SLC5A9: variants seen among roughly 807,000 people sequenced by gnomAD.
SLC5A9 encodes the protein sodium/glucose cotransporter 4.
SLC5A9 carries 59 observed loss-of-function variants against 70.9 expected under a neutral mutation model. The observed-to-expected ratio is 0.83, with a 90% CI of 0.68 to 1.03. The LOEUF (loss-of-function observed/expected upper bound fraction) is 1.03, where lower values mean the gene tolerates loss of function less well. Ranked by LOEUF, SLC5A9 falls within the 50% of genes least tolerant of loss-of-function variation. The pLI, the probability that SLC5A9 is intolerant of heterozygous loss-of-function variation, is 0.00. For missense variants in SLC5A9, 832 were observed against 881.1 expected, an observed-to-expected ratio of 0.94 and a Z score of 0.71; for synonymous variants, 340 against 346.5, an observed-to-expected ratio of 0.98 and a Z score of 0.21.
intron 6 of SLC5A9, 70 bp downstream of exon 6, chr1:48,231,695 C>T (rs970323469): frequency 1.6e-5 from 25 of 1,578,392 alleles, no homozygotes; most frequent in Non-Finnish European, 2.2e-5. Context: ...CTGCCACCTC[C>T]ACAGTTCGAT....
intron 10 of SLC5A9, 126 bp from the exon 11 acceptor site, chr1:48,237,553 C>T (rs1169387676): frequency 2.3e-6 from 2 of 880,664 alleles, no homozygotes; most frequent in East Asian, 5.3e-5. Context: ...GGCTGCCAAC[C>T]TTCTCTGATC....
chr1:48,223,604 G>T (rs1462424933), intron 1 of SLC5A9, among the ~76,000 whole-genome samples: 1 of 152,148 alleles, frequency 6.6e-6, no homozygotes, highest in Non-Finnish European at 1.5e-5. Context: ...GCAATAAATG[G>T]CTGCTATTAT....
chr1:48,238,652 G>A (rs1027621073), intron 11 of SLC5A9: 2 of 152,424 alleles, frequency 1.3e-5, no homozygotes, highest in Non-Finnish European at 2.9e-5. Context: ...AGTGTCTACT[G>A]TCTGCACAGG....
chr1:48,229,986 C>G (rs11205458), intron 4 of SLC5A9, among the ~76,000 whole-genome samples: 81,173 of 152,102 alleles, frequency 0.53, 24,571 homozygotes, highest in East Asian at 0.74. Flanking sequence ...CAAGCATACA[C>G]TAAAGAGAAC....
At position 48,232,027 on chromosome 1, in the gene SLC5A9, C is replaced by T; in HGVS notation, c.773C>T (p.Thr258Ile). 1 of 1,614,196 alleles carries T rather than the reference C, an allele frequency of 6.2e-7. No individual in the cohort carries two copies. The highest frequency in any genetic ancestry group is 1.3e-5 in the African/African-American group (1 of 75,056). ...CCTAATGTCACAGTCCCCAACACCACCTGTCACCTCCCACGGCCCGATGCT... is the reference window on the plus strand; with the variant it reads ...CCTAATGTCACAGTCCCCAACACCATCTGTCACCTCCCACGGCCCGATGCT... ...AIPNVTVPNT[T>I]CHLPRPDAFH... is the part of the protein sequence containing the mutation. The change falls in exon 7 of 14, where the codon ACC becomes ATC. Residue 258 changes from threonine to isoleucine, a missense_variant. Physicochemically the swap from Thr to Ile is moderately conservative, Grantham distance 89 (BLOSUM62 -1). Transcript: ENST00000438567.
chr1:48,228,219 A>T (rs966446459), intron 2 of SLC5A9: 3 of 152,446 alleles, frequency 2.0e-5, no homozygotes, highest in Non-Finnish European at 4.4e-5. Flanking sequence ...TAAGATGGGG[A>T]TAAAAGTAGC....
In SLC5A9 at chr1:48,222,881, A is replaced by C. The variant is rs753970349; in HGVS notation, c.145A>C (p.Ile49Leu). The C allele has an allele frequency of 1.9e-6, 3 of 1,613,938 alleles. No individual in the cohort carries two copies. The highest frequency in any genetic ancestry group is 2.5e-6 in the Non-Finnish European group (3 of 1,179,976). Reference sequence around the variant, plus strand: ...GGTGGTCATCTACTTTGTCTTCGTCATTGCTGTGGGGATCTGGGTAAGTGG... The same window carrying C: ...GGTGGTCATCTACTTTGTCTTCGTCCTTGCTGTGGGGATCTGGGTAAGTGG... ...SVVVIYFVFV[I>L]AVGIWSSIRA... The change falls in exon 1 of 14, where the codon ATT becomes CTT. Residue 49 changes from isoleucine (I) to leucine (L), a missense_variant. Ile to Leu is a conservative substitution (Grantham distance 5, BLOSUM62 2). Coordinates refer to ENST00000438567, the MANE Select transcript of SLC5A9 (RefSeq NM_001011547.3).
intron 2 of SLC5A9, among the ~76,000 whole-genome samples, chr1:48,225,802 ACT>A (rs1569809185): frequency 1.3e-5 from 2 of 152,102 alleles, no homozygotes; most frequent in South Asian, 4.2e-4. Flanking sequence ...TCTCATACAC[ACT>A]GTCACAATCA....
In SLC5A9 at chr1:48,229,359, T is replaced by G. The variant is rs1230663417; in HGVS notation, c.404T>G (p.Val135Gly). The G allele has an allele frequency of 2.5e-6, 4 of 1,613,974 alleles. No individual in the cohort carries two copies. In the South Asian group the frequency reaches 4.4e-5, roughly 18 times the overall value. The change falls in exon 4 of 14, where the codon GTC becomes GGC. Residue 135 changes from valine to glycine, a missense_variant. Transcript: ENST00000438567. ...FVPVYIAAGV[V>G]TMPQYLKKRF... ...CCTGTGTACATCGCAGCAGGTGTGG[T>G]CACAATGCCGCAGTATCTGAAGAAG... is the stretch of plus-strand genomic sequence containing the variant.
Position 48,224,748 on chromosome 1 carries a change from A to T in SLC5A9, c.187A>T (p.Thr63Ser). 1 of 1,614,076 alleles carries T rather than the reference A, an allele frequency of 6.2e-7. No individual in the cohort carries two copies. The highest frequency in any genetic ancestry group is 8.5e-7 in the Non-Finnish European group (1 of 1,179,996). ...GTCGTCCATCCGTGCAAGTCGAGGG[A>T]CCATTGGCGGCTATTTCCTGGCCGG... ...IWSSIRASRG[T>S]IGGYFLAGRS... Residue 63 changes from threonine (T) to serine (S), a missense_variant, in exon 2 of 14, where the codon ACC becomes TCC. By Grantham distance (58) the Thr-to-Ser change is moderately conservative (BLOSUM62 1). Coordinates refer to ENST00000438567, the MANE Select transcript of SLC5A9 (RefSeq NM_001011547.3).
intron 2 of SLC5A9, among the ~76,000 whole-genome samples, chr1:48,225,749 T>TA (rs1425535543): frequency 6.6e-6 from 1 of 152,056 alleles, no homozygotes; most frequent in Non-Finnish European, 1.5e-5. Context: ...ATCATACTCC[T>TA]ATTCTCACAC....
intron 13 of SLC5A9, among the ~76,000 whole-genome samples, chr1:48,245,973 T>C (rs1457429739): frequency 6.7e-6 from 1 of 150,314 alleles, no homozygotes; most frequent in Admixed American, 6.7e-5. Context: ...AATATATATA[T>C]AATATATAAA....
At chr1:48,243,103 A>C (rs1372406055) in intron 13 of SLC5A9, among the ~76,000 whole-genome samples, 1 of 152,058 alleles carries the variant, frequency 6.6e-6, no homozygotes, top group Non-Finnish European at 1.5e-5. Context: ...TGTTACACCC[A>C]CGGTGTTTCC....
chr1:48,246,646 T>C (rs1644463185), intron 13 of SLC5A9, among the ~76,000 whole-genome samples: 1 of 152,138 alleles, frequency 6.6e-6, no homozygotes, highest in African/African-American at 2.4e-5. Flanking sequence ...TCTGCATGGG[T>C]TCGGTCTCGT....
intron 13 of SLC5A9, among the ~76,000 whole-genome samples, chr1:48,244,852 C>CTGTG (rs1198674396): frequency 1.4e-4 from 1 of 6,974 alleles, no homozygotes; most frequent in African/African-American, 3.8e-4. Flanking sequence ...TATATAAAAC[C>CTGTG]TGTGTGTGTG....
Position 48,247,617 on chromosome 1 carries a change from T to G in SLC5A9, c.*74T>G. 1 of 1,471,514 alleles carries G rather than the reference T, an allele frequency of 6.8e-7. No individual in the cohort carries two copies. The highest frequency in any genetic ancestry group is 9.5e-7 in the Non-Finnish European group (1 of 1,051,874). 91.2% of individuals were successfully genotyped at this position (1,471,514 alleles called of 1,614,324 possible). ...TGTCAGCCACAGAAACAGGCTCTCC[T>G]CTTACTTTGCTGTCTAAACTGGAGA... On this transcript the variant is annotated 3_prime_UTR_variant, in exon 14 of 14. Coordinates refer to ENST00000438567, the MANE Select transcript of SLC5A9 (RefSeq NM_001011547.3).
chr1:48,242,874 T>C (rs1331941925), intron 13 of SLC5A9, among the ~76,000 whole-genome samples: 1 of 152,158 alleles, frequency 6.6e-6, no homozygotes, highest in Non-Finnish European at 1.5e-5. Context: ...CACTTCCTAA[T>C]ACTGAACCCC....
At chr1:48,234,191 G>A (rs1028394441) in intron 9 of SLC5A9, among the ~76,000 whole-genome samples, 3 of 152,226 alleles carry the variant, frequency 2.0e-5, no homozygotes, top group African/African-American at 7.2e-5. Flanking sequence ...AGGAGCATGG[G>A]AAATGTCATT....
rs1329368638 is a variant in SLC5A9 at position 48,233,756 on chromosome 1, C to A, written c.1135C>A (p.Pro379Thr). ...CCCTAAGTTGGTCATGGCCCTCATGCCTGTTGGTGAGTCTCTTCTCCCCAC... is the reference window on the plus strand; with the variant it reads ...CCCTAAGTTGGTCATGGCCCTCATGACTGTTGGTGAGTCTCTTCTCCCCAC... ...AYPKLVMALM[P>T]VGLRGLMIAV... is the part of the protein sequence containing the mutation. The change falls in exon 9 of 14, where the codon CCT becomes ACT. Residue 379 changes from proline to threonine, a missense_variant. Coordinates refer to ENST00000438567, the MANE Select transcript of SLC5A9 (RefSeq NM_001011547.3). 9 of 1,611,548 alleles carry A rather than the reference C, an allele frequency of 5.6e-6. No individual in the cohort carries two copies. The Admixed American group carries it at 1.0e-4, about 18-fold the overall frequency.
Sources: gnomAD v4.1 joint callset for allele counts (sites outside exome capture counted in the v4.1 genomes callset) on GRCh38, gnomAD v4.1.1 for gene constraint, MANE v1.5 for transcripts, NCBI Gene and HGNC (gene_info 2026-07-23, HGNC 2026-07-21) for gene names.